Variants in MGAT4C observed in about 807,000 individuals in gnomAD.
MGAT4C encodes the protein alpha-1,3-mannosyl-glycoprotein 4-beta-N-acetylglucosaminyltransferase C.
In MGAT4C, 19 loss-of-function variants were observed where a neutral mutation model predicts 40.1. The observed-to-expected ratio is 0.47, with a 90% CI of 0.33 to 0.70. MGAT4C has a LOEUF of 0.70. Ranked by LOEUF, MGAT4C falls within the 30% of genes least tolerant of loss-of-function variation. MGAT4C has a pLI of 0.02. For synonymous variants in MGAT4C, 181 were observed against 187.1 expected (o/e 0.97, Z 0.27); for missense variants, 491 against 563.2 (o/e 0.87, Z 1.30).
At chr12:86,346,085 C>T (rs1490292166) in intron 3 of MGAT4C, among the ~76,000 whole-genome samples, 1 of 152,148 alleles carries the variant, frequency 6.6e-6, no homozygotes, top group African/African-American at 2.4e-5. Flanking sequence ...CAAATTTCAA[C>T]CAAATTTAAA....
chr12:86,766,760 G>A (rs1032869169), intron 1 of MGAT4C, among the ~76,000 whole-genome samples: 4 of 152,080 alleles, frequency 2.6e-5, no homozygotes, highest in Admixed American at 1.3e-4. Flanking sequence ...ACCTGCTCCT[G>A]AATGACTACT....
At chr12:86,412,431 C>T (rs920236430) in intron 3 of MGAT4C, among the ~76,000 whole-genome samples, 1 of 152,168 alleles carries the variant, frequency 6.6e-6, no homozygotes, top group African/African-American at 2.4e-5. Context: ...GGATGTTAGA[C>T]ATGGAGTCAA....
At position 86,460,900 on chromosome 12, in the gene MGAT4C, T is replaced by C. The variant is rs546514735; in HGVS notation, c.-228-25635A>G. Among the ~76,000 whole-genome samples, 51 of 152,302 alleles carry C rather than the reference T, an allele frequency of 3.3e-4. No individual in the cohort carries two copies. In the Middle Eastern group the frequency reaches 0.01, roughly 30 times the overall value. Reference sequence around the variant, plus strand: ...TAGCCCACTTTTTAAATTACACTCCTATGGCAATTATGTCTTATTTTATTC... The same window carrying C: ...TAGCCCACTTTTTAAATTACACTCCCATGGCAATTATGTCTTATTTTATTC... On this transcript the variant is annotated intron_variant, in intron 2 of 7. Transcript: ENST00000548651.
chr12:86,236,000 A>G (rs1345864767), intron 1 of MGAT4C, among the ~76,000 whole-genome samples: 3 of 152,114 alleles, frequency 2.0e-5, no homozygotes, highest in African/African-American at 4.8e-5. Context: ...TTAACATAGC[A>G]TTATGTCACA....
intron 1 of MGAT4C, among the ~76,000 whole-genome samples, chr12:86,069,783 GT>G (rs1214330156): frequency 1.3e-5 from 2 of 151,932 alleles, no homozygotes; most frequent in African/African-American, 2.4e-5. Context: ...TAACTAGTGT[GT>G]TTTTAACTCA....
intron 2 of MGAT4C, among the ~76,000 whole-genome samples, chr12:86,557,602 G>T (rs190866951): frequency 1.3e-5 from 2 of 152,328 alleles, no homozygotes; most frequent in African/African-American, 2.4e-5. Flanking sequence ...TCATGAGGAA[G>T]TCATGGACAC....
At chr12:86,703,988 T>G (rs1201117920) in intron 2 of MGAT4C, among the ~76,000 whole-genome samples, 1 of 152,136 alleles carries the variant, frequency 6.6e-6, no homozygotes, top group Non-Finnish European at 1.5e-5. Context: ...TAGACACAAC[T>G]GTTTTAGACC....
intron 2 of MGAT4C, among the ~76,000 whole-genome samples, chr12:86,536,929 T>A (rs1459693834): frequency 6.6e-6 from 1 of 152,208 alleles, no homozygotes; most frequent in African/African-American, 2.4e-5. Context: ...ATATGTTTAT[T>A]GAGGCACTAT....
rs1164860620 is a variant in MGAT4C at position 85,957,733 on chromosome 12, G to A, written c.*21556C>T. 1 of 151,102 alleles carries A rather than the reference G, an allele frequency of 6.6e-6. No individual in the cohort carries two copies. The highest frequency in any genetic ancestry group is 1.5e-5 in the Non-Finnish European group (1 of 67,792). The allele number at this position is 151,102 out of a possible 1,614,324, so 9.4% of individuals were successfully genotyped here. ...AGAGTGAATCTAGACAGATCATATG[G>A]TAAAAATACAAACTGAACTCCTTCA... On this transcript the variant is annotated 3_prime_UTR_variant, in exon 5 of 5. Transcript: ENST00000611864.
intron 1 of MGAT4C, among the ~76,000 whole-genome samples, chr12:86,147,629 T>C (rs1883725586): frequency 6.6e-6 from 1 of 152,174 alleles, no homozygotes; most frequent in Non-Finnish European, 1.5e-5. Context: ...ATAATCCTAA[T>C]TTGAGTGGAG....
chr12:86,450,335 T>A (rs1225516510), intron 2 of MGAT4C, among the ~76,000 whole-genome samples: 1 of 152,174 alleles, frequency 6.6e-6, no homozygotes, highest in Non-Finnish European at 1.5e-5. Flanking sequence ...GCTTAGTTTT[T>A]TATTAGGTTG....
At chr12:86,781,372 T>C (rs912536206) in intron 1 of MGAT4C, among the ~76,000 whole-genome samples, 3 of 152,214 alleles carry the variant, frequency 2.0e-5, no homozygotes, top group Admixed American at 2.0e-4. Context: ...ATTGTAGATA[T>C]AAGTATTGAG....
chr12:86,285,525 C>T (rs973558556), intron 4 of MGAT4C, among the ~76,000 whole-genome samples: 3 of 151,846 alleles, frequency 2.0e-5, no homozygotes, highest in African/African-American at 4.8e-5. Context: ...GGGAGCTTTC[C>T]AACTATCAAA....
chr12:86,343,679 A>T (rs967800974), intron 3 of MGAT4C, among the ~76,000 whole-genome samples: 2 of 152,200 alleles, frequency 1.3e-5, no homozygotes, highest in African/African-American at 2.4e-5. Context: ...AACACTATGT[A>T]TTACACTGTG....
At chr12:86,635,009 T>C (rs777280915) in intron 2 of MGAT4C, among the ~76,000 whole-genome samples, 4 of 152,144 alleles carry the variant, frequency 2.6e-5, no homozygotes, top group East Asian at 1.9e-4. Flanking sequence ...TCCTCAGTAA[T>C]TGTAGCTCTT....
chr12:86,497,952 A>C (rs1958272090), intron 2 of MGAT4C, among the ~76,000 whole-genome samples: 1 of 144,850 alleles, frequency 6.9e-6, no homozygotes, highest in Non-Finnish European at 1.5e-5. Flanking sequence ...ATAATATATA[A>C]AATATATATT....
chr12:86,344,058 T>C, intron 3 of MGAT4C, among the ~76,000 whole-genome samples: 1 of 152,138 alleles, frequency 6.6e-6, no homozygotes, highest in East Asian at 1.9e-4. Context: ...ACAGAATAAA[T>C]TGCCAGAATA....
intron 2 of MGAT4C, among the ~76,000 whole-genome samples, chr12:86,018,247 C>G (rs892386402): frequency 6.6e-6 from 1 of 152,152 alleles, no homozygotes; most frequent in Non-Finnish European, 1.5e-5. Context: ...CAACGTTAAT[C>G]TACCCCAAGG....
intron 2 of MGAT4C, among the ~76,000 whole-genome samples, chr12:86,522,454 C>T (rs1958811852): frequency 6.6e-6 from 1 of 152,130 alleles, no homozygotes. Flanking sequence ...ATAAAGTCTA[C>T]TTGATCATGG....
Sources: allele counts gnomAD v4.1 joint callset (sites outside exome capture counted in the v4.1 genomes callset), GRCh38; gene constraint gnomAD v4.1.1; transcripts MANE v1.5; gene names NCBI Gene and HGNC (gene_info 2026-07-23, HGNC 2026-07-21).